ZNF385D: variants seen among roughly 807,000 people sequenced by gnomAD.
ZNF385D encodes zinc finger protein 659.
A neutral mutation model predicts 35.8 loss-of-function variants in ZNF385D; 15 were observed. The ratio of observed to expected loss-of-function variants is 0.42; its 90% CI spans 0.28 to 0.64. The LOEUF is 0.64. Ranked by LOEUF, ZNF385D falls within the 30% of genes least tolerant of loss-of-function variation. ZNF385D has a pLI of 0.23. For synonymous variants in ZNF385D, 212 were observed against 186.8 expected, an observed-to-expected ratio of 1.13 and a Z score of -1.10; for missense variants, 474 against 494.6, an observed-to-expected ratio of 0.96 and a Z score of 0.39.
chr3:21,771,414 A>G (rs1304082802), intron 3 of ZNF385D, among the ~76,000 whole-genome samples: 3 of 151,980 alleles, frequency 2.0e-5, no homozygotes, highest in Non-Finnish European at 4.4e-5. Flanking sequence ...TTAGATTTAA[A>G]TGTCCAGTTT....
chr3:22,077,581 G>C (rs1700528441), intron 3 of ZNF385D, among the ~76,000 whole-genome samples: 2 of 151,948 alleles, frequency 1.3e-5, no homozygotes, highest in Non-Finnish European at 2.9e-5. Flanking sequence ...ATGCAAAGCA[G>C]ACTTCCTATT....
At chr3:21,629,573 C>T (rs2065224751) in intron 2 of ZNF385D, among the ~76,000 whole-genome samples, 1 of 152,116 alleles carries the variant, frequency 6.6e-6, no homozygotes, top group African/African-American at 2.4e-5. Context: ...CTTGTCTGCC[C>T]ATGTAGAGTT....
intron 5 of ZNF385D, among the ~76,000 whole-genome samples, chr3:21,436,023 A>T (rs1443167961): frequency 6.6e-6 from 1 of 152,178 alleles, no homozygotes; most frequent in Non-Finnish European, 1.5e-5. Flanking sequence ...TTCACAAATG[A>T]TTCTTTTTCT....
Position 21,414,614 on chromosome 3 carries a change from G to A in ZNF385D, c.*6600C>T, listed in dbSNP as rs1301506100. 6 of 152,088 alleles carry A rather than the reference G, an allele frequency of 3.9e-5. No homozygotes were observed. Among genetic ancestry groups the A allele is most frequent in the Non-Finnish European group, 8.8e-5 (6 of 68,002 alleles). The allele number at this position is 152,088 out of a possible 1,614,324, so 9.4% of individuals were successfully genotyped here. A position where few individuals can be genotyped will look rare whatever the true frequency, so the allele number is the denominator to read the frequency against. On this transcript the variant is annotated 3_prime_UTR_variant, in exon 8 of 8. Coordinates refer to ENST00000281523, the MANE Select transcript of ZNF385D (RefSeq NM_024697.3). Reference sequence around the variant, plus strand: ...TTTTAAAAGCACATTTCTGTAATCAGTCATTATCCCTATTTTTATCAGAGA... The same window carrying A: ...TTTTAAAAGCACATTTCTGTAATCAATCATTATCCCTATTTTTATCAGAGA...
chr3:21,513,725 C>T (rs1039821099), intron 3 of ZNF385D, among the ~76,000 whole-genome samples: 2 of 151,936 alleles, frequency 1.3e-5, no homozygotes, highest in African/African-American at 4.8e-5. Context: ...AGACAGATAA[C>T]CCTTCTAGAT....
At chr3:22,320,653 C>G (rs1182026758) in intron 2 of ZNF385D, among the ~76,000 whole-genome samples, 2 of 149,512 alleles carry the variant, frequency 1.3e-5, no homozygotes, top group Non-Finnish European at 3.0e-5. Context: ...TACCAGAATT[C>G]TATCACAATA....
intron 1 of ZNF385D, among the ~76,000 whole-genome samples, chr3:21,723,634 G>C (rs1450752703): frequency 2.0e-5 from 3 of 152,174 alleles, no homozygotes; most frequent in South Asian, 2.1e-4. Flanking sequence ...AAGCCTCCAA[G>C]AAATATGGGA....
At position 22,216,918 on chromosome 3, in the gene ZNF385D, T is replaced by C. The variant is rs76975887; in HGVS notation, c.107-47883A>G. 6.9e-3 allele frequency among the ~76,000 whole-genome samples: 1,051 copies of C among 152,220 alleles called. 7 individuals are homozygous for C. Among genetic ancestry groups the C allele is most frequent in the African/African-American group, 0.024 (981 of 41,534 alleles). On this transcript the variant is annotated intron_variant, in intron 2 of 5. Transcript: ENST00000494108. The stretch of plus-strand genomic sequence containing the variant: ...CAATTTGAAAGTCATATGATGAAGA[T>C]GAGTGAGCCACAAATCAACACTGGA...
intron 3 of ZNF385D, among the ~76,000 whole-genome samples, chr3:21,767,304 GT>G (rs1427286025): frequency 6.6e-6 from 1 of 151,848 alleles, no homozygotes; most frequent in African/African-American, 2.4e-5. Context: ...ACTGCCACTT[GT>G]CTTTGACAAA....
Position 21,745,657 on chromosome 3 carries a change from G to A in ZNF385D, c.22+5238C>T, listed in dbSNP as rs952210906. The stretch of plus-strand genomic sequence containing the variant: ...TCTTTTTGGGAAATGATATGTAATG[G>A]CTTCTCTAAAGAGAGACAGACAGAA... On this transcript the variant is annotated intron_variant, in intron 1 of 7. Transcript: ENST00000281523. 5.3e-5 allele frequency among the ~76,000 whole-genome samples: 8 copies of A among 152,290 alleles called. No homozygotes were observed. In the East Asian group the frequency reaches 1.5e-3, roughly 29 times the overall value.
At chr3:21,839,730 C>T (rs74342888) in intron 3 of ZNF385D, among the ~76,000 whole-genome samples, 1 of 152,032 alleles carries the variant, frequency 6.6e-6, no homozygotes, top group Non-Finnish European at 1.5e-5. Context: ...TGGAACATTT[C>T]CCAGATGCTG....
intron 2 of ZNF385D, among the ~76,000 whole-genome samples, chr3:22,257,984 A>G (rs73821341): frequency 0.07 from 10,646 of 151,852 alleles, 1,007 homozygotes; most frequent in African/African-American, 0.21. Flanking sequence ...TTGTACAACA[A>G]TATTTGATAG....
chr3:22,333,553 T>A (rs1261684996), intron 2 of ZNF385D, among the ~76,000 whole-genome samples: 1 of 152,182 alleles, frequency 6.6e-6, no homozygotes. Context: ...ATCTTTACTT[T>A]GACATTTACC....
chr3:22,345,949 C>A (rs1413517598), intron 2 of ZNF385D, among the ~76,000 whole-genome samples: 1 of 152,212 alleles, frequency 6.6e-6, no homozygotes, highest in Non-Finnish European at 1.5e-5. Context: ...AAGCTGACTG[C>A]ATCACAGTTC....
chr3:21,704,312 T>C (rs550801813), intron 1 of ZNF385D, among the ~76,000 whole-genome samples: 1 of 152,092 alleles, frequency 6.6e-6, no homozygotes, highest in African/African-American at 2.4e-5. Context: ...AAGTGCTGAA[T>C]TCCAGATGAA....
At chr3:21,566,686 T>G (rs1183688207) in intron 2 of ZNF385D, among the ~76,000 whole-genome samples, 1 of 152,210 alleles carries the variant, frequency 6.6e-6, no homozygotes, top group Non-Finnish European at 1.5e-5. Flanking sequence ...TCTTTTTATC[T>G]GATTTTATTT....
intron 3 of ZNF385D, among the ~76,000 whole-genome samples, chr3:21,840,932 G>T (rs1695632892): frequency 6.6e-6 from 1 of 152,026 alleles, no homozygotes; most frequent in Non-Finnish European, 1.5e-5. Context: ...GACCTGCTCA[G>T]GATAAACTGA....
intron 2 of ZNF385D, among the ~76,000 whole-genome samples, chr3:22,292,331 A>G (rs1559502493): frequency 6.6e-6 from 1 of 152,008 alleles, no homozygotes. Flanking sequence ...TTATATTTTT[A>G]TCTCGTTTCT....
At position 21,900,207 on chromosome 3, in the gene ZNF385D, T is replaced by C. The variant is rs867602306; in HGVS notation, c.326-235179A>G. ...AAGATAAAAGCAGAAAAGGGAAACA[T>C]TGAATGTTGGCAATTTAGAGGAAAA... On this transcript the variant is annotated intron_variant, in intron 3 of 5. Transcript: ENST00000494108. Among the ~76,000 whole-genome samples the C allele has an allele frequency of 5.3e-5, 8 of 152,294 alleles. No individual in the cohort carries two copies. The South Asian group carries it at 8.3e-4, about 16-fold the overall frequency.
Sources: gnomAD v4.1 joint callset for allele counts (sites outside exome capture counted in the v4.1 genomes callset) on GRCh38, gnomAD v4.1.1 for gene constraint, MANE v1.5 for transcripts, NCBI Gene and HGNC (gene_info 2026-07-23, HGNC 2026-07-21) for gene names.